Variants in TTC28 observed in about 807,000 individuals in gnomAD.
TTC28 encodes the protein tetratricopeptide repeat domain 28, also known as tetratricopeptide repeat protein 28.
Under a neutral mutation model 198.0 loss-of-function variants are expected in TTC28, and 61 were observed. The ratio of observed to expected loss-of-function variants is 0.31; its 90% CI spans 0.25 to 0.38. The LOEUF is 0.38. Among genes scored for constraint, TTC28 ranks in the 10% least tolerant of loss-of-function variants. TTC28 has a pLI of 1.00. For synonymous variants in TTC28, 1,171 were observed against 1,297.8 expected, an observed-to-expected ratio of 0.90 and a Z score of 2.10; for missense variants, 2,678 against 3,164.0, an observed-to-expected ratio of 0.85 and a Z score of 3.69.
intron 6 of TTC28, among the ~76,000 whole-genome samples, chr22:28,155,537 A>C (rs1177485740): frequency 1.3e-5 from 2 of 152,250 alleles, no homozygotes; most frequent in African/African-American, 4.8e-5. Context: ...CAGACTAAAG[A>C]AGTTATATTG....
In TTC28 at chr22:28,255,088, T is replaced by A. The variant is rs1930804305; in HGVS notation, c.933+41110A>T. On this transcript the variant is annotated intron_variant, in intron 5 of 22. Coordinates refer to ENST00000397906, the MANE Select transcript of TTC28 (RefSeq NM_001145418.2). Reference sequence around the variant, plus strand: ...TCCTCAACTGGTGAAACCCCTGAGTTTCTTCACCAGAAGCAAATGCAGAGC... The same window carrying A: ...TCCTCAACTGGTGAAACCCCTGAGTATCTTCACCAGAAGCAAATGCAGAGC... Among the ~76,000 whole-genome samples the A allele has an allele frequency of 2.0e-5, 3 of 152,138 alleles. No individual in the cohort carries two copies. In the South Asian group the frequency reaches 6.2e-4, roughly 32 times the overall value.
intron 2 of TTC28, among the ~76,000 whole-genome samples, chr22:28,340,582 T>A (rs76932033): frequency 1.3e-5 from 2 of 152,166 alleles, no homozygotes; most frequent in Non-Finnish European, 1.5e-5. Flanking sequence ...ACACATGTGA[T>A]TGGCAACAAG....
In TTC28 at chr22:28,234,423, A is replaced by C. The variant is rs192131453; in HGVS notation, c.933+61775T>G. Among the ~76,000 whole-genome samples the C allele has an allele frequency of 1.7e-3, 257 of 152,078 alleles. 1 individual carries two copies. Among genetic ancestry groups the C allele is most frequent in the African/African-American group, 6.0e-3 (249 of 41,486 alleles). ...AGTCTCCCTCTGTCACCCAGGCTACAGTACAGTGGCACGATCTCAGCTCAC... is the reference window on the plus strand; with the variant it reads ...AGTCTCCCTCTGTCACCCAGGCTACCGTACAGTGGCACGATCTCAGCTCAC... On this transcript the variant is annotated intron_variant, in intron 5 of 22. Transcript: ENST00000397906.
chr22:28,254,784 G>C lies in TTC28; in HGVS notation c.933+41414C>G, dbSNP rs1157392951. Among the ~76,000 whole-genome samples, 6 of 152,212 alleles carry C rather than the reference G, an allele frequency of 3.9e-5. No individual in the cohort carries two copies. In the East Asian group the frequency reaches 9.7e-4, roughly 25 times the overall value. On this transcript the variant is annotated intron_variant, in intron 5 of 22. Transcript: ENST00000397906. ...GTGGCTGAGGAACCACACATGAATGGGGAGGAAGAAACCTGGTTCACAGAA... is the reference window on the plus strand; with the variant it reads ...GTGGCTGAGGAACCACACATGAATGCGGAGGAAGAAACCTGGTTCACAGAA...
chr22:28,212,461 C>G (rs1206880678), intron 5 of TTC28, among the ~76,000 whole-genome samples: 1 of 135,786 alleles, frequency 7.4e-6, no homozygotes, highest in African/African-American at 2.5e-5. Context: ...ACCGATCCCA[C>G]AGAAATACAA....
At chr22:28,162,820 T>C (rs1921370139) in intron 6 of TTC28, among the ~76,000 whole-genome samples, 1 of 152,124 alleles carries the variant, frequency 6.6e-6, no homozygotes, top group Non-Finnish European at 1.5e-5. Context: ...TGTACTGGCG[T>C]GTGCCTGTCG....
chr22:28,644,852 A>G (rs2051430908), intron 1 of TTC28, among the ~76,000 whole-genome samples: 1 of 152,090 alleles, frequency 6.6e-6, no homozygotes, highest in Admixed American at 6.6e-5. Context: ...AATTTTTTAA[A>G]TGCTCCAGTT....
At chr22:28,041,487 A>G (rs898958374) in intron 12 of TTC28, among the ~76,000 whole-genome samples, 9 of 152,238 alleles carry the variant, frequency 5.9e-5, no homozygotes, top group Non-Finnish European at 1.3e-4. Flanking sequence ...TGGGGAAAGG[A>G]TTCCCTATTT....
chr22:28,279,169 A>G (rs552223537), intron 5 of TTC28, among the ~76,000 whole-genome samples: 1 of 152,302 alleles, frequency 6.6e-6, no homozygotes, highest in African/African-American at 2.4e-5. Context: ...AACTCCTAAC[A>G]TTTTGCTAAA....
Position 28,067,011 on chromosome 22 carries a change from A to C in TTC28, c.3932+27069T>G, listed in dbSNP as rs57980329. On this transcript the variant is annotated intron_variant, in intron 12 of 22. Transcript: ENST00000397906. ...AGCCTCTCCTGACTGAGCCCTCCCT[A>C]AAGTACCAGTAGCCCCTTCCACCTC... 3.5e-3 allele frequency among the ~76,000 whole-genome samples: 532 copies of C among 152,202 alleles called. 3 individuals carry two copies. The highest frequency in any genetic ancestry group is 0.012 in the African/African-American group (510 of 41,540).
At chr22:28,057,788 G>T (rs1940348360) in intron 12 of TTC28, among the ~76,000 whole-genome samples, 1 of 152,054 alleles carries the variant, frequency 6.6e-6, no homozygotes, top group African/African-American at 2.4e-5. Context: ...ATGAGGTAAG[G>T]TTCAAGATTG....
intron 2 of TTC28, among the ~76,000 whole-genome samples, chr22:28,563,250 T>C (rs930657872): frequency 2.6e-5 from 4 of 152,208 alleles, no homozygotes; most frequent in African/African-American, 9.6e-5. Context: ...ATATTTGTCA[T>C]CCCTTTCTTA....
chr22:28,197,035 T>G, intron 5 of TTC28, among the ~76,000 whole-genome samples: 1 of 151,864 alleles, frequency 6.6e-6, no homozygotes, highest in Non-Finnish European at 1.5e-5. Flanking sequence ...TGTCCAACAA[T>G]GATAGACTGG....
intron 2 of TTC28, among the ~76,000 whole-genome samples, chr22:28,426,723 A>T (rs1021058703): frequency 6.6e-6 from 1 of 152,074 alleles, no homozygotes; most frequent in Non-Finnish European, 1.5e-5. Context: ...AGACTCAACG[A>T]CCTTCCTTGA....
chr22:28,491,669 A>G (rs1224270565), intron 2 of TTC28, among the ~76,000 whole-genome samples: 1 of 152,228 alleles, frequency 6.6e-6, no homozygotes, highest in Non-Finnish European at 1.5e-5. Context: ...GTGGGACTGT[A>G]AACTAGTTCA....
intron 2 of TTC28, among the ~76,000 whole-genome samples, chr22:28,621,430 A>G (rs1016514792): frequency 6.6e-6 from 1 of 152,042 alleles, no homozygotes; most frequent in Non-Finnish European, 1.5e-5. Flanking sequence ...ATTTAAGAAA[A>G]AAGGCTGGGC....
chr22:28,534,032 A>G (rs1288245943), intron 2 of TTC28, among the ~76,000 whole-genome samples: 4 of 152,200 alleles, frequency 2.6e-5, no homozygotes, highest in Admixed American at 2.6e-4. Flanking sequence ...ACCAAAAGCA[A>G]TGGCAACAAA....
intron 2 of TTC28, among the ~76,000 whole-genome samples, chr22:28,512,167 C>T (rs571279249): frequency 1.3e-5 from 2 of 151,364 alleles, no homozygotes; most frequent in South Asian, 2.1e-4. Context: ...AGAAGACATA[C>T]ATGAGGCCAA....
At chr22:28,599,835 C>A (rs1366925179) in intron 2 of TTC28, among the ~76,000 whole-genome samples, 1 of 152,162 alleles carries the variant, frequency 6.6e-6, no homozygotes, top group Non-Finnish European at 1.5e-5. Context: ...ACCAGAGTAA[C>A]AAACTCCGGT....
Sources: allele counts gnomAD v4.1 joint callset (sites outside exome capture counted in the v4.1 genomes callset), GRCh38; gene constraint gnomAD v4.1.1; transcripts MANE v1.5; gene names NCBI Gene and HGNC (gene_info 2026-07-23, HGNC 2026-07-21).